Variants in KAT6A observed in about 807,000 individuals in gnomAD.
KAT6A encodes the protein lysine acetyltransferase 6A.
KAT6A carries 9 observed loss-of-function variants against 198.4 expected under a neutral mutation model. The ratio of observed to expected loss-of-function variants is 0.05; its 90% CI spans 0.03 to 0.08. The LOEUF is 0.08. Among genes scored for constraint, KAT6A ranks in the 10% least tolerant of loss-of-function variants. The pLI, the probability that KAT6A is intolerant of heterozygous loss-of-function variation, is 1.00. For missense variants in KAT6A, 2,077 were observed against 2,509.9 expected, an observed-to-expected ratio of 0.83 and a Z score of 3.69; for synonymous variants, 890 against 883.0, an observed-to-expected ratio of 1.01 and a Z score of -0.14.
Position 41,933,936 on chromosome 8 carries a change from C to A in KAT6A, c.4284G>T (p.Val1428=), listed in dbSNP as rs763432565. The part of the protein sequence containing the change: ...SELDLETVQA[V]QSLTQEESSE... ...TGCTTTCTTCTTGAGTCAAAGACTG[C>A]ACTGCCTGTACAGTTTCCAGATCCA... is the stretch of plus-strand genomic sequence containing the variant. Residue 1428 remains valine (V), a synonymous_variant, in exon 17 of 17, where the codon GTG becomes GTT. Coordinates refer to ENST00000265713, the MANE Select transcript of KAT6A (RefSeq NM_006766.5). The surrounding 1 kb of genome is among the most constrained non-coding windows in gnomAD (Gnocchi z 6.2). 1.1e-5 allele frequency: 18 copies of A among 1,613,890 alleles called. No homozygotes were observed. Among genetic ancestry groups the A allele is most frequent in the Non-Finnish European group, 1.4e-5 (17 of 1,179,948 alleles).
rs1563998930 is a variant in KAT6A, at chr8:41,929,555, GA to G, written c.*2649del. The G allele has an allele frequency of 5.9e-5, 11 of 186,886 alleles. No individual in the cohort carries two copies. The highest frequency in any genetic ancestry group is 1.9e-3 in the Middle Eastern group (1 of 528). The allele number at this position is 186,886 out of a possible 1,614,324, so 11.6% of individuals were successfully genotyped here. ...TTTTGAAAGTACTTGCTAGAAAGGG[GA>G]AAAAAAGGTATTACATACAAGGAGA... is the stretch of plus-strand genomic sequence containing the variant. On this transcript the variant is annotated 3_prime_UTR_variant, in exon 17 of 17. Coordinates refer to ENST00000265713, the MANE Select transcript of KAT6A (RefSeq NM_006766.5).
intron 2 of KAT6A, among the ~76,000 whole-genome samples, chr8:42,027,215 T>A (rs1291623918): frequency 6.6e-6 from 1 of 152,222 alleles, no homozygotes; most frequent in African/African-American, 2.4e-5. Flanking sequence ...TGTATGTTCA[T>A]CAGGACTATT....
intron 2 of KAT6A, among the ~76,000 whole-genome samples, chr8:42,035,302 G>C (rs1247788719): frequency 6.6e-6 from 1 of 152,194 alleles, no homozygotes; most frequent in African/African-American, 2.4e-5. Context: ...CCGGTTAAAG[G>C]AAGTTGATAA....
At chr8:42,039,896 G>A (rs916999198) in intron 2 of KAT6A, among the ~76,000 whole-genome samples, 2 of 128,062 alleles carry the variant, frequency 1.6e-5, no homozygotes, top group African/African-American at 7.3e-5. Flanking sequence ...ACAATGCCTG[G>A]CTAATATTTT....
At position 41,932,702 on chromosome 8, in the gene KAT6A, G is replaced by A. The variant is rs758711270; in HGVS notation, c.5518C>T (p.Pro1840Ser). ...TGCCCTTGCAATCTCTGCGTGTGAG[G>A]AATGCCAATGTTGGTGGCAGACATG... ...CNMSATNIGIPHTQRLQGQMP... is the reference protein window; with the variant it reads ...CNMSATNIGISHTQRLQGQMP... The change falls in exon 17 of 17, where the codon CCT (proline) becomes TCT (serine). Residue 1840 changes from proline (P) to serine (S), a missense_variant. Transcript: ENST00000265713. The A allele has an allele frequency of 6.2e-6, 10 of 1,614,124 alleles. No homozygotes were observed. The African/African-American group carries it at 1.2e-4, about 19-fold the overall frequency.
chr8:41,977,366 A>C (rs1262993026), intron 6 of KAT6A, 39 bp from the exon 7 acceptor site: 1 of 1,464,994 alleles, frequency 6.8e-7, no homozygotes, highest in African/African-American at 1.4e-5. Context: ...GTATTAAAAA[A>C]GATACTTGTA....
rs186013061 is a variant in KAT6A, at chr8:41,959,266, T to G, written c.1483-3855A>C. Among the ~76,000 whole-genome samples the G allele has an allele frequency of 1.9e-3, 286 of 151,888 alleles. 1 individual carries two copies. The highest frequency in any genetic ancestry group is 3.3e-3 in the Non-Finnish European group (226 of 67,946). On this transcript the variant is annotated intron_variant, in intron 8 of 16. Transcript: ENST00000265713. Reference sequence around the variant, plus strand: ...AAAGATGCTCAACATCACTAATAATTAGGAAAATGTAAATCAAACCACAAT... The same window carrying G: ...AAAGATGCTCAACATCACTAATAATGAGGAAAATGTAAATCAAACCACAAT...
chr8:42,046,597 G>A (rs1802315270), intron 2 of KAT6A, among the ~76,000 whole-genome samples: 1 of 152,164 alleles, frequency 6.6e-6, no homozygotes, highest in South Asian at 2.1e-4. Flanking sequence ...TCACAGGTAT[G>A]GCACTGAACT....
At chr8:42,045,486 T>C (rs1186321135) in intron 2 of KAT6A, among the ~76,000 whole-genome samples, 1 of 145,726 alleles carries the variant, frequency 6.9e-6, no homozygotes, top group Non-Finnish European at 1.5e-5. Flanking sequence ...TGCTTGAACC[T>C]GGGCAGCGGA....
chr8:41,952,353 A>AC (rs1822707029), intron 9 of KAT6A, among the ~76,000 whole-genome samples: 1 of 152,166 alleles, frequency 6.6e-6, no homozygotes, highest in Non-Finnish European at 1.5e-5. Flanking sequence ...AGCTAAGCTC[A>AC]AAGCAGCACA....
chr8:41,998,208 T>C (rs181956522), intron 2 of KAT6A, among the ~76,000 whole-genome samples: 2 of 152,182 alleles, frequency 1.3e-5, no homozygotes, highest in Admixed American at 1.3e-4. Context: ...CACAAAACAA[T>C]TAGAAACCAA....
intron 2 of KAT6A, among the ~76,000 whole-genome samples, chr8:42,003,445 C>CTTTTTTTTTTT (rs35594171): frequency 1.4e-5 from 2 of 142,870 alleles, no homozygotes; most frequent in Non-Finnish European, 3.1e-5. Flanking sequence ...ATTCAAACCT[C>CTTTTTTTTTTT]TTTTTTTTTT....
At chr8:41,941,569 G>C in intron 14 of KAT6A, 125 bp from the exon 15 acceptor site, 1 of 957,702 alleles carries the variant, frequency 1.0e-6, no homozygotes, top group Non-Finnish European at 1.5e-6. Flanking sequence ...AAAATGATCA[G>C]TTATTTAACA....
chr8:41,960,286 A>G (rs542775171), intron 8 of KAT6A, among the ~76,000 whole-genome samples: 4 of 152,252 alleles, frequency 2.6e-5, no homozygotes, highest in African/African-American at 9.6e-5. Context: ...ACACTTAAAA[A>G]TGGTCTGGTT....
intron 2 of KAT6A, among the ~76,000 whole-genome samples, chr8:42,034,836 C>T (rs1172417146): frequency 1.3e-5 from 2 of 152,168 alleles, no homozygotes; most frequent in Non-Finnish European, 2.9e-5. Flanking sequence ...CTCACAACTT[C>T]ACTATGAGAT....
intron 2 of KAT6A, among the ~76,000 whole-genome samples, chr8:42,011,105 C>A (rs1825999301): frequency 6.6e-6 from 1 of 152,156 alleles, no homozygotes; most frequent in Admixed American, 6.5e-5. Context: ...AACAAATCGC[C>A]CTTTTTACTC....
At position 41,941,280 on chromosome 8, in the gene KAT6A, G is replaced by A; in HGVS notation, c.2601C>T (p.Arg867=). ...PANSQPSRRG[R]WGRKNRKTQE... is the part of the protein sequence containing the mutation. The stretch of plus-strand genomic sequence containing the variant: ...GGGTTTTTCTGTTCTTCCTCCCCCA[G>A]CGGCCCCTCCGAGATGGCTGGCTAT... The change falls in exon 15 of 17, where the codon CGC becomes CGT. Residue 867 remains arginine, a synonymous_variant. Coordinates refer to ENST00000265713, the MANE Select transcript of KAT6A (RefSeq NM_006766.5). 1 of 1,613,864 alleles carries A rather than the reference G, an allele frequency of 6.2e-7. No individual in the cohort carries two copies. The highest frequency in any genetic ancestry group is 1.3e-5 in the African/African-American group (1 of 74,940).
At position 41,987,448 on chromosome 8, in the gene KAT6A, C is replaced by T. The variant is rs748163482; in HGVS notation, c.709+7G>A. ...TTTTAGAAGAAAAACAGAAGGAAAT[C>T]ACATACCACTGTTGCCACAGTCGGC... is the stretch of plus-strand genomic sequence containing the variant. On this transcript the variant is annotated splice_region_variant and intron_variant, in intron 3 of 16. Transcript: ENST00000265713. The T allele has an allele frequency of 3.2e-6, 5 of 1,545,718 alleles. No individual in the cohort carries two copies. Among genetic ancestry groups the T allele is most frequent in the Non-Finnish European group, 4.5e-6 (5 of 1,122,210 alleles).
In KAT6A at chr8:42,042,184, C is replaced by T. The variant is rs144908470; in HGVS notation, c.600+6194G>A. Among the ~76,000 whole-genome samples the T allele has an allele frequency of 1.6e-4, 25 of 152,316 alleles. No homozygotes were observed. In the East Asian group the frequency reaches 4.6e-3, roughly 28 times the overall value. ...ACTTAAAAACATATCCCTGGCCGGG[C>T]ACGGTGGCTCACGCCTATAATCCCA... On this transcript the variant is annotated intron_variant, in intron 2 of 16. Coordinates refer to ENST00000265713, the MANE Select transcript of KAT6A (RefSeq NM_006766.5).
Sources: allele counts gnomAD v4.1 joint callset (sites outside exome capture counted in the v4.1 genomes callset), GRCh38; gene constraint gnomAD v4.1.1; non-coding constraint Gnocchi (gnomAD v3.1); transcripts MANE v1.5; gene names NCBI Gene and HGNC (gene_info 2026-07-23, HGNC 2026-07-21).